Variants in ARHGEF40 observed in about 807,000 individuals in gnomAD.
ARHGEF40 encodes the protein Rho guanine nucleotide exchange factor (GEF) 40.
A neutral mutation model predicts 165.9 loss-of-function variants in ARHGEF40; 98 were observed. That is an observed-to-expected ratio of 0.59 (90% CI 0.50 to 0.70). The LOEUF (loss-of-function observed/expected upper bound fraction) is 0.70. Among genes scored for constraint, ARHGEF40 ranks in the 30% least tolerant of loss-of-function variants. The pLI is 0.00. For synonymous variants in ARHGEF40, 792 were observed against 814.3 expected, an observed-to-expected ratio of 0.97 and a Z score of 0.47; for missense variants, 1,815 against 1,968.0, an observed-to-expected ratio of 0.92 and a Z score of 1.47.
In ARHGEF40 at chr14:21,081,890, T is replaced by C; in HGVS notation, c.3022T>C (p.Ser1008Pro). The C allele has an allele frequency of 6.2e-7, 1 of 1,613,334 alleles. No homozygotes were observed. The highest frequency in any genetic ancestry group is 8.5e-7 in the Non-Finnish European group (1 of 1,179,888). ...PGPRPAPSHC[S>P]LAPCGEDYEE... is the part of the protein sequence containing the mutation. Reference sequence around the variant, plus strand: ...GCCACGGCCAGCCCCATCCCATTGCTCCCTGGCCCCATGTGGAGAGGACTA... The same window carrying C: ...GCCACGGCCAGCCCCATCCCATTGCCCCCTGGCCCCATGTGGAGAGGACTA... Residue 1008 changes from serine (S) to proline (P), a missense_variant, in exon 14 of 24, where the codon TCC becomes CCC. Ser to Pro is a moderately conservative substitution (Grantham distance 74, BLOSUM62 -1). Transcript: ENST00000298694.
intron 10 of ARHGEF40, 110 bp downstream of exon 10, chr14:21,078,598 G>C: frequency 2.7e-6 from 3 of 1,126,686 alleles, no homozygotes; most frequent in Non-Finnish European, 3.8e-6. Context: ...ATGTATCTGG[G>C]CAAGATACTA....
At chr14:21,085,948 G>A in intron 19 of ARHGEF40, 82 bp downstream of exon 19, 2 of 1,467,856 alleles carry the variant, frequency 1.4e-6, no homozygotes, top group Non-Finnish European at 1.9e-6. Context: ...GAACTGCTTG[G>A]GAAAACAGTT....
chr14:21,079,118 G>A, intron 11 of ARHGEF40, 108 bp downstream of exon 11: 1 of 1,417,520 alleles, frequency 7.1e-7, no homozygotes, highest in Non-Finnish European at 9.4e-7. Flanking sequence ...TGGCTTGGTT[G>A]AACGCCCCTC....
At position 21,084,855 on chromosome 14, in the gene ARHGEF40, C is replaced by T. The variant is rs1459383872; in HGVS notation, c.3892C>T (p.Leu1298Phe). 6.2e-7 allele frequency: 1 copy of T among 1,614,112 alleles called. No homozygotes were observed. Among genetic ancestry groups the T allele is most frequent in the African/African-American group, 1.3e-5 (1 of 74,946 alleles). The part of the protein sequence containing the change: ...LRHVFLFEHL[L>F]LFSKLKGPEG... Reference sequence around the variant, plus strand: ...CCATGTCTTTCTCTTCGAGCATCTCCTCCTGTTCAGCAAGCTCAAGGGCCC... The same window carrying T: ...CCATGTCTTTCTCTTCGAGCATCTCTTCCTGTTCAGCAAGCTCAAGGGCCC... The change falls in exon 18 of 24, where the codon CTC becomes TTC. Residue 1298 changes from leucine to phenylalanine, a missense_variant. Physicochemically the swap from Leu to Phe is conservative, Grantham distance 22. Coordinates refer to ENST00000298694, the MANE Select transcript of ARHGEF40 (RefSeq NM_018071.5).
intron 18 of ARHGEF40, 63 bp from the exon 19 acceptor site, chr14:21,085,626 C>T (rs766304074): frequency 1.9e-5 from 30 of 1,560,774 alleles, no homozygotes; most frequent in African/African-American, 2.7e-5. Flanking sequence ...CAGTGCTTGC[C>T]ATGTGGCGCC....
intron 19 of ARHGEF40, chr14:21,086,142 C>A: frequency 5.5e-6 from 2 of 366,442 alleles, no homozygotes; most frequent in Non-Finnish European, 1.0e-5. Flanking sequence ...TTTTGGGAGG[C>A]CAAAGTGGGA....
At position 21,081,019 on chromosome 14, in the gene ARHGEF40, G is replaced by A; in HGVS notation, c.2640+3G>A. The A allele has an allele frequency of 1.2e-6, 2 of 1,611,010 alleles. No individual in the cohort carries two copies. The highest frequency in any genetic ancestry group is 1.7e-6 in the Non-Finnish European group (2 of 1,178,488). ...GGCTACAGCGCTTCTTCCAGCAGGT[G>A]CATGCAGAGCCTTTTCCTTCTGTGC... On this transcript the variant is annotated splice_donor_region_variant and intron_variant, in intron 13 of 23. Coordinates refer to ENST00000298694, the MANE Select transcript of ARHGEF40 (RefSeq NM_018071.5).
intron 16 of ARHGEF40, among the ~76,000 whole-genome samples, 158 bp downstream of exon 16, chr14:21,083,075 G>C (rs1024636153): frequency 2.0e-5 from 3 of 152,176 alleles, no homozygotes; most frequent in Admixed American, 1.3e-4. Context: ...GCACCGGACT[G>C]GTGAGGCCAG....
At chr14:21,083,764 C>G in intron 16 of ARHGEF40, 71 bp from the exon 17 acceptor site, 3 of 1,444,432 alleles carry the variant, frequency 2.1e-6, no homozygotes, top group Non-Finnish European at 1.9e-6. Flanking sequence ...ACCCACCTAC[C>G]CCCCAACCCC....
chr14:21,087,842 G>T, intron 21 of ARHGEF40, 126 bp from the exon 22 acceptor site: 2 of 1,336,226 alleles, frequency 1.5e-6, no homozygotes, highest in Non-Finnish European at 2.1e-6. Flanking sequence ...CTTGCAACTG[G>T]ATCGCTATGG....
Position 21,072,964 on chromosome 14 carries a change from C to A in ARHGEF40, c.4-81C>A. ...ACAATCGGGGCTTTGGAGAACACAGCCAACCCCAGACCAGTGCAGCTCCCA... is the reference window on the plus strand; with the variant it reads ...ACAATCGGGGCTTTGGAGAACACAGACAACCCCAGACCAGTGCAGCTCCCA... On this transcript the variant is annotated intron_variant, in intron 1 of 23. Transcript: ENST00000298694. This position sits in a 1 kb window ranked among gnomAD's most constrained non-coding sequence, Gnocchi z 4.1. 1 of 1,423,140 alleles carries A rather than the reference C, an allele frequency of 7.0e-7. No homozygotes were observed. Among genetic ancestry groups the A allele is most frequent in the Non-Finnish European group, 9.6e-7 (1 of 1,038,798 alleles). 88.2% of individuals were successfully genotyped at this position (1,423,140 alleles called of 1,614,324 possible).
At chr14:21,086,362 C>T (rs1594580972) in intron 19 of ARHGEF40, 1 of 154,018 alleles carries the variant, frequency 6.5e-6, no homozygotes, top group African/African-American at 2.4e-5. Flanking sequence ...AGTGACAGAG[C>T]AAGACTCTGT....
At chr14:21,066,300 T>A (rs1594528733), upstream of ARHGEF40, among the ~76,000 whole-genome samples, 2 of 3,348 alleles carry the variant, frequency 6.0e-4, no homozygotes, top group African/African-American at 4.8e-4. Flanking sequence ...TATTTGGATC[T>A]TTTTTTTTTG....
Position 21,081,530 on chromosome 14 carries a change from G to T in ARHGEF40, c.2662G>T (p.Gly888Cys). ...GTAGGCACATGAATGGGTGGATGAG[G>T]GCTTTGCTCGGCTGGCAGGAGCTGG... is the stretch of plus-strand genomic sequence containing the variant. Reference protein sequence around the residue: ...FQQAHEWVDEGFARLAGAGPG... With the variant: ...FQQAHEWVDECFARLAGAGPG... Residue 888 changes from glycine to cysteine, a missense_variant, in exon 14 of 24, where the codon GGC (glycine) becomes TGC (cysteine). Gly to Cys is a radical substitution (Grantham distance 159). Coordinates refer to ENST00000298694, the MANE Select transcript of ARHGEF40 (RefSeq NM_018071.5). 1.2e-6 allele frequency: 2 copies of T among 1,613,096 alleles called. No homozygotes were observed. Among genetic ancestry groups the T allele is most frequent in the Non-Finnish European group, 1.7e-6 (2 of 1,179,906 alleles).
In ARHGEF40 at chr14:21,083,948, C is replaced by T. The variant is rs1388255639; in HGVS notation, c.3687C>T (p.Leu1229=). 6.2e-7 allele frequency: 1 copy of T among 1,614,010 alleles called. No homozygotes were observed. Residue 1229 remains leucine (L), a synonymous_variant, in exon 17 of 24, where the codon CTC becomes CTT. Transcript: ENST00000298694. ...EELLREAGPE[L]SSECRALGAA... ...TCCTGAGGGAAGCTGGGCCTGAGCT[C>T]AGTTCTGAGTGCCGGGCCCTTGGGG...
chr14:21,088,058 C>T lies in ARHGEF40; in HGVS notation c.4478C>T (p.Pro1493Leu). ...CCCCCCCACCCTGGGAGCAGCACTC[C>T]CACCCTGGCCAGTCGAGGGATCTTA... ...LQPPHPGSST[P>L]TLASRGILGL... is the part of the protein sequence containing the mutation. Residue 1493 changes from proline (P) to leucine (L), a missense_variant, in exon 22 of 24, where the codon CCC becomes CTC. Physicochemically the swap from Pro to Leu is moderately conservative, Grantham distance 98. Coordinates refer to ENST00000298694, the MANE Select transcript of ARHGEF40 (RefSeq NM_018071.5). The T allele has an allele frequency of 1.2e-6, 2 of 1,613,938 alleles. No homozygotes were observed. The highest frequency in any genetic ancestry group is 1.1e-5 in the South Asian group (1 of 91,062).
Position 21,070,889 on chromosome 14 carries a change from GGCCCTAGGGGACTGGCCACAGCTGTGGCT to G in ARHGEF40, c.3+492_3+520del. 2.6e-6 allele frequency: 4 copies of G among 1,534,682 alleles called. No individual in the cohort carries two copies. The highest frequency in any genetic ancestry group is 3.5e-6 in the Non-Finnish European group (4 of 1,146,020). ...CCCGGTGAGGCAGGCCCACCCATCC[GGCCCTAGGGGACTGGCCACAGCTGTGGCT>G]GGGCCGGGTCCCGGGGCATGGCCAA... On this transcript the variant is annotated intron_variant, in intron 1 of 23. Transcript: ENST00000298694. This position sits in a 1 kb window ranked among gnomAD's most constrained non-coding sequence, Gnocchi z 4.7.
At chr14:21,071,506 G>A (rs544315200) in intron 1 of ARHGEF40, among the ~76,000 whole-genome samples, 1 of 152,274 alleles carries the variant, frequency 6.6e-6, no homozygotes, top group Admixed American at 6.5e-5. Flanking sequence ...AAGAGGAACT[G>A]GGCCAGGGAG....
In ARHGEF40 at chr14:21,074,472, G is replaced by A; in HGVS notation, c.742G>A (p.Val248Met). ...GGGCGAGTATGTGGAGCTGTTAGAG[G>A]TGACGCTGCCCGTGAGGGGGAGCCC... ...PEGEYVELLE[V>M]TLPVRGSPTD... The change falls in exon 3 of 24, where the codon GTG becomes ATG. Residue 248 changes from valine to methionine, a missense_variant. Val to Met is a conservative substitution (Grantham distance 21). Transcript: ENST00000298694. This position sits in a 1 kb window ranked among gnomAD's most constrained non-coding sequence, Gnocchi z 4.8. 6.3e-7 allele frequency: 1 copy of A among 1,576,918 alleles called. No homozygotes were observed. The highest frequency in any genetic ancestry group is 8.6e-7 in the Non-Finnish European group (1 of 1,161,200).
Sources: allele counts gnomAD v4.1 joint callset (sites outside exome capture counted in the v4.1 genomes callset), GRCh38; gene constraint gnomAD v4.1.1; non-coding constraint Gnocchi (gnomAD v3.1); transcripts MANE v1.5; gene names NCBI Gene and HGNC (gene_info 2026-07-23, HGNC 2026-07-21).